Variants in CCDC33 observed in about 807,000 individuals in gnomAD.
The protein encoded by CCDC33 is coiled-coil domain-containing protein 33.
In CCDC33, 94 loss-of-function variants were observed where a neutral mutation model predicts 91.9. The ratio of observed to expected loss-of-function variants is 1.02; its 90% CI spans 0.87 to 1.21. The LOEUF (loss-of-function observed/expected upper bound fraction) is 1.21, where lower values mean the gene tolerates loss of function less well. Among genes scored for constraint, CCDC33 ranks in the 50% most tolerant of loss-of-function variants. CCDC33 has a pLI of 0.00. For synonymous variants in CCDC33, 396 were observed against 374.5 expected, an observed-to-expected ratio of 1.06 and a Z score of -0.66; for missense variants, 940 against 935.5, an observed-to-expected ratio of 1.00 and a Z score of -0.06.
chr15:74,203,236 C>G (rs2074166472), intron 1 of CCDC33: 6 of 984,188 alleles, frequency 6.1e-6, no homozygotes, highest in Non-Finnish European at 7.2e-6. Flanking sequence ...GTTGATTTCA[C>G]AAGGAGATAA....
rs754206414 is a variant in CCDC33, at chr15:74,271,783, C to T, written c.627C>T (p.Tyr209=). 1.2e-6 allele frequency: 2 copies of T among 1,613,842 alleles called. No individual in the cohort carries two copies. The highest frequency in any genetic ancestry group is 3.3e-5 in the Admixed American group (2 of 60,008). The stretch of plus-strand genomic sequence containing the variant: ...TGATTGCCCGGGTCGTTCCCAACTA[C>T]AAGGAATTTAAGTGAGTGGGGCCCA... The part of the protein sequence containing the change: ...IVVIARVVPN[Y]KEFKVSQANR... Residue 209 remains tyrosine (Y), a synonymous_variant, in exon 6 of 19, where the codon TAC becomes TAT. Transcript: ENST00000398814.
At position 74,335,995 on chromosome 15, in the gene CCDC33, C is replaced by G. The variant is rs2060559744; in HGVS notation, c.2210C>G (p.Ser737Cys). The change falls in exon 19 of 19, where the codon TCT (serine) becomes TGT (cysteine). Residue 737 changes from serine to cysteine, a missense_variant. Coordinates refer to ENST00000398814, the MANE Select transcript of CCDC33 (RefSeq NM_025055.5). ...ELEPLLPSSD[S>C]KLNKPLSPQK... ...GAGCCCCTGCTGCCCAGCTCAGACT[C>G]TAAGCTCAACAAGCCCTTGAGCCCC... is the stretch of plus-strand genomic sequence containing the variant. 1.9e-6 allele frequency: 3 copies of G among 1,614,046 alleles called. No individual in the cohort carries two copies. In the East Asian group the frequency reaches 6.7e-5, roughly 36 times the overall value.
chr15:74,268,960 G>A (rs16967313), intron 5 of CCDC33, among the ~76,000 whole-genome samples: 35,823 of 152,154 alleles, frequency 0.24, 4,810 homozygotes, highest in South Asian at 0.36. Context: ...CTGGTCTGGC[G>A]ATTAGGTATT....
At chr15:74,306,033 A>G (rs2059887855) in intron 11 of CCDC33, among the ~76,000 whole-genome samples, 1 of 152,212 alleles carries the variant, frequency 6.6e-6, no homozygotes, top group Non-Finnish European at 1.5e-5. Flanking sequence ...CAGGAGGCTT[A>G]TTAATAGTCG....
intron 2 of CCDC33, among the ~76,000 whole-genome samples, chr15:74,223,976 G>A (rs1375844653): frequency 6.6e-6 from 1 of 152,284 alleles, no homozygotes; most frequent in East Asian, 1.9e-4. Context: ...ACTGCCTCCA[G>A]CTTAAACACA....
In CCDC33 at chr15:74,218,574, G is replaced by C. The variant is rs771305259; in HGVS notation, c.388G>C (p.Ala130Pro). 561 of 1,289,844 alleles carry C rather than the reference G, an allele frequency of 4.3e-4. 5 individuals carry two copies. The highest frequency in any genetic ancestry group is 9.1e-5 in the Non-Finnish European group (90 of 988,872). The allele number at this position is 1,289,844 out of a possible 1,614,324, so 79.9% of individuals were successfully genotyped here. Residue 130 changes from alanine to proline, a missense_variant, in exon 2 of 3, where the codon GCA (alanine) becomes CCA (proline). Ala to Pro is a conservative substitution (Grantham distance 27, BLOSUM62 -1). Coordinates refer to the CCDC33 transcript ENST00000635913. The surrounding 1 kb of genome is among the most constrained non-coding windows in gnomAD (Gnocchi z 4.8). The stretch of plus-strand genomic sequence containing the variant: ...GAGGCTGGACGAACCCTTGGGACGG[G>C]CAGCCCAGCGGGTGGGTGAGGCCAT...
chr15:74,271,241 T>C (rs1414947955), intron 5 of CCDC33, among the ~76,000 whole-genome samples: 6 of 151,990 alleles, frequency 3.9e-5, no homozygotes, highest in Non-Finnish European at 7.4e-5. Context: ...TAAAGTGCTC[T>C]CTCACAAACG....
At chr15:74,232,513 C>T (rs1436950536), upstream of CCDC33, among the ~76,000 whole-genome samples, 1 of 152,050 alleles carries the variant, frequency 6.6e-6, no homozygotes, top group Non-Finnish European at 1.5e-5. Context: ...TCCCAGAGCC[C>T]CCACACTTGG....
chr15:74,227,964 G>A (rs191411351), intron 2 of CCDC33, among the ~76,000 whole-genome samples: 2 of 152,208 alleles, frequency 1.3e-5, no homozygotes, highest in African/African-American at 4.8e-5. Flanking sequence ...AAGCCACCCT[G>A]ATTCACAGCC....
At chr15:74,313,415 C>CTTTTTTTTTTTTTTT (rs35519774) in intron 11 of CCDC33, among the ~76,000 whole-genome samples, 2 of 94,182 alleles carry the variant, frequency 2.1e-5, no homozygotes, top group Non-Finnish European at 3.8e-5. Context: ...TTCTTTCTTT[C>CTTTTTTTTTTTTTTT]TTTTTTTTTT....
At chr15:74,332,575 G>A (rs2060461584) in intron 15 of CCDC33, 104 bp from the exon 16 acceptor site, 3 of 1,232,686 alleles carry the variant, frequency 2.4e-6, no homozygotes, top group Middle Eastern at 3.9e-4. Context: ...CTTGGGAGTA[G>A]AGGGGAGGGG....
At chr15:74,203,321 G>T in intron 1 of CCDC33, 1 of 491,492 alleles carries the variant, frequency 2.0e-6, no homozygotes, top group Non-Finnish European at 2.6e-6. Context: ...AGCCCCGCCT[G>T]CCTCCTGCTC....
At chr15:74,298,862 G>A (rs2059739450) in intron 11 of CCDC33, among the ~76,000 whole-genome samples, 2 of 151,882 alleles carry the variant, frequency 1.3e-5, no homozygotes, top group South Asian at 2.1e-4. Flanking sequence ...ACAGGCGGGC[G>A]CCACCACGCC....
chr15:74,268,483 GT>G, intron 5 of CCDC33, 25 bp downstream of exon 5: 1 of 1,429,722 alleles, frequency 7.0e-7, no homozygotes, highest in Admixed American at 1.8e-5. Flanking sequence ...GCCCTCTGGG[GT>G]GGTGGTGGGG....
intron 2 of CCDC33, among the ~76,000 whole-genome samples, chr15:74,250,479 C>G (rs189127303): frequency 6.6e-5 from 10 of 152,296 alleles, no homozygotes; most frequent in African/African-American, 2.2e-4. Context: ...GAAACATTCC[C>G]AGAAACATTC....
At chr15:74,213,296 C>T (rs569810760), upstream of CCDC33, 6 of 152,276 alleles carry the variant, frequency 3.9e-5, no homozygotes, top group African/African-American at 7.2e-5. Context: ...AAAGTCCTGC[C>T]CCATACCCAC....
Position 74,266,735 on chromosome 15 carries a change from T to G in CCDC33, c.377T>G (p.Ile126Ser). The change falls in exon 4 of 19, where the codon ATC becomes AGC. Residue 126 changes from isoleucine (I) to serine (S), a missense_variant. Ile to Ser is a moderately radical substitution (Grantham distance 142). Coordinates refer to ENST00000398814, the MANE Select transcript of CCDC33 (RefSeq NM_025055.5). ...AAACAGGAGTTGTTGTCCTACAAAA[T>G]CCCCATCAAGTACCTGCGTGTCTTC... ...RKKQELLSYK[I>S]PIKYLRVFHP... 6.2e-7 allele frequency: 1 copy of G among 1,614,172 alleles called. No individual in the cohort carries two copies. The highest frequency in any genetic ancestry group is 1.3e-5 in the African/African-American group (1 of 75,038).
At chr15:74,208,915 C>A in intron 1 of CCDC33, 1 of 991,098 alleles carries the variant, frequency 1.0e-6, no homozygotes, top group Non-Finnish European at 1.2e-6. Context: ...ACGGGGCCTT[C>A]TCCTCTGAGC....
intron 1 of CCDC33, 125 bp downstream of exon 1, chr15:74,236,865 C>G (rs1052171718): frequency 1.1e-6 from 1 of 951,328 alleles, no homozygotes; most frequent in South Asian, 1.6e-5. Context: ...TCAGTTTTCA[C>G]AGCTGTGAAA....
Sources: allele counts gnomAD v4.1 joint callset (sites outside exome capture counted in the v4.1 genomes callset), GRCh38; gene constraint gnomAD v4.1.1; non-coding constraint Gnocchi (gnomAD v3.1); transcripts MANE v1.5; gene names NCBI Gene and HGNC (gene_info 2026-07-23, HGNC 2026-07-21).